NEFL: variants seen among roughly 807,000 people sequenced by gnomAD.
The protein encoded by NEFL is neurofilament light chain.
A neutral mutation model predicts 51.6 loss-of-function variants in NEFL; 36 were observed. That is an observed-to-expected ratio of 0.70 (90% CI 0.53 to 0.92). The LOEUF (loss-of-function observed/expected upper bound fraction) is 0.92. Among genes scored for constraint, NEFL ranks in the 40% least tolerant of loss-of-function variants. NEFL has a pLI of 0.00. For synonymous variants in NEFL, 332 were observed against 302.5 expected, an observed-to-expected ratio of 1.10 and a Z score of -1.01; for missense variants, 671 against 722.0, an observed-to-expected ratio of 0.93 and a Z score of 0.81.
chr8:24,952,877 T>C lies in NEFL; in HGVS notation c.1565A>G (p.Glu522Gly). 6.2e-7 allele frequency: 1 copy of C among 1,610,444 alleles called. No individual in the cohort carries two copies. Among genetic ancestry groups the C allele is most frequent in the Non-Finnish European group, 8.5e-7 (1 of 1,176,734 alleles). Reference sequence around the variant, plus strand: ...AACTTTCTTCTCCTCCTCTTCAGCTTCTTTGGTTTCCTCTCCTTCTTCACC... The same window carrying C: ...AACTTTCTTCTCCTCCTCTTCAGCTCCTTTGGTTTCCTCTCCTTCTTCACC... Reference protein sequence around the residue: ...GEGEEGEETKEAEEEEKKVEG... With the variant: ...GEGEEGEETKGAEEEEKKVEG... Residue 522 changes from glutamate to glycine, a missense_variant, in exon 4 of 4, where the codon GAA (glutamate) becomes GGA (glycine). Coordinates refer to ENST00000610854, the MANE Select transcript of NEFL (RefSeq NM_006158.5).
chr8:24,956,537 G>A lies in NEFL; in HGVS notation c.-22C>T. ...TCATGGTGGCGGCCGGTGGCTCCCCGGCCCGCGGCGGCGGTGGGAGCCCGG... is the reference window on the plus strand; with the variant it reads ...TCATGGTGGCGGCCGGTGGCTCCCCAGCCCGCGGCGGCGGTGGGAGCCCGG... On this transcript the variant is annotated 5_prime_UTR_variant, in exon 1 of 4. Coordinates refer to ENST00000610854, the MANE Select transcript of NEFL (RefSeq NM_006158.5). This position sits in a 1 kb window ranked among gnomAD's most constrained non-coding sequence, Gnocchi z 5.9. 2 of 1,567,614 alleles carry A rather than the reference G, an allele frequency of 1.3e-6. No individual in the cohort carries two copies. Among genetic ancestry groups the A allele is most frequent in the Non-Finnish European group, 1.7e-6 (2 of 1,157,602 alleles).
chr8:24,953,678 G>T lies in NEFL; in HGVS notation c.1287C>A (p.Thr429=). Reference sequence around the variant, plus strand: ...AGCGGGTGGACATCAGATAGGAGCTGGTCTGTAAACCGCCGTAGGCAGATC... The same window carrying T: ...AGCGGGTGGACATCAGATAGGAGCTTGTCTGTAAACCGCCGTAGGCAGATC... ...FGRSAYGGLQ[T]SSYLMSTRSF... The change falls in exon 3 of 4, where the codon ACC becomes ACA. Residue 429 remains threonine (T), a synonymous_variant. Transcript: ENST00000610854. 1 of 1,614,002 alleles carries T rather than the reference G, an allele frequency of 6.2e-7. No homozygotes were observed. Among genetic ancestry groups the T allele is most frequent in the Non-Finnish European group, 8.5e-7 (1 of 1,179,904 alleles).
chr8:24,953,446 T>C, intron 3 of NEFL, 30 bp downstream of exon 3: 1 of 1,547,606 alleles, frequency 6.5e-7, no homozygotes. Flanking sequence ...AGTTTACACT[T>C]GAAGTTGCAG....
In NEFL at chr8:24,956,125, C is replaced by G; in HGVS notation, c.391G>C (p.Glu131Gln). 2 of 1,608,704 alleles carry G rather than the reference C, an allele frequency of 1.2e-6. No individual in the cohort carries two copies. The highest frequency in any genetic ancestry group is 1.1e-5 in the South Asian group (1 of 90,330). Residue 131 changes from glutamate (E) to glutamine (Q), a missense_variant, in exon 1 of 4, where the codon GAG becomes CAG. Coordinates refer to ENST00000610854, the MANE Select transcript of NEFL (RefSeq NM_006158.5). This position sits in a 1 kb window ranked among gnomAD's most constrained non-coding sequence, Gnocchi z 5.9. ...ELLVLRQKHS[E>Q]PSRFRALYEQ... ...TACAGCGCCCGGAAGCGGGATGGCT[C>G]GGAGTGCTTCTGGCGCAGCACCAGC...
Position 24,952,513 on chromosome 8 carries a change from G to A in NEFL, c.*297C>T, listed in dbSNP as rs1382775026. ...TAGTGAATTCATTTACTCATGTGGT[G>A]TTTTTTATTGTAAACATCTGAATGA... On this transcript the variant is annotated 3_prime_UTR_variant, in exon 4 of 4. Coordinates refer to ENST00000610854, the MANE Select transcript of NEFL (RefSeq NM_006158.5). 1.6e-5 allele frequency: 5 copies of A among 318,690 alleles called. No homozygotes were observed. Among genetic ancestry groups the A allele is most frequent in the African/African-American group, 6.3e-5 (3 of 47,254 alleles). The allele number at this position is 318,690 out of a possible 1,614,324, so 19.7% of individuals were successfully genotyped here.
Position 24,955,079 on chromosome 8 carries a change from TGA to T in NEFL, c.1044+391_1044+392del, listed in dbSNP as rs1252963744. The T allele has an allele frequency of 4.9e-6, 1 of 202,100 alleles. No individual in the cohort carries two copies. Among genetic ancestry groups the T allele is most frequent in the African/African-American group, 2.3e-5 (1 of 43,384 alleles). 12.5% of individuals were successfully genotyped at this position (202,100 alleles called of 1,614,324 possible). On this transcript the variant is annotated intron_variant, in intron 1 of 3. Coordinates refer to ENST00000610854, the MANE Select transcript of NEFL (RefSeq NM_006158.5). This position sits in a 1 kb window ranked among gnomAD's most constrained non-coding sequence, Gnocchi z 4.0. Reference sequence around the variant, plus strand: ...GTCACAGTAATCCTTCAGAATTAATTGAGAGTTGTTCACTCTACTATTTATTA... The same window carrying T: ...GTCACAGTAATCCTTCAGAATTAATTGAGTTGTTCACTCTACTATTTATTA...
chr8:24,953,771 G>T lies in NEFL; in HGVS notation c.1194C>A (p.Thr398=). The change falls in exon 3 of 4, where the codon ACC becomes ACA. Residue 398 remains threonine (T), a synonymous_variant. Coordinates refer to ENST00000610854, the MANE Select transcript of NEFL (RefSeq NM_006158.5). ...TTCCCACGCTGGTGAAACTGAGTCGGGTCTCCTCGCCTTCCAAGAGTTTCC... is the reference window on the plus strand; with the variant it reads ...TTCCCACGCTGGTGAAACTGAGTCGTGTCTCCTCGCCTTCCAAGAGTTTCC... The part of the protein sequence containing the change: ...AYRKLLEGEE[T]RLSFTSVGSI... The T allele has an allele frequency of 1.9e-6, 3 of 1,612,552 alleles. No homozygotes were observed. The highest frequency in any genetic ancestry group is 2.5e-6 in the Non-Finnish European group (3 of 1,178,910).
rs1474708490 is a variant in NEFL at position 24,955,930 on chromosome 8, G to A, written c.586C>T (p.Arg196Cys). The change falls in exon 1 of 4, where the codon CGC (arginine) becomes TGC (cysteine). Residue 196 changes from arginine (R) to cysteine (C), a missense_variant. Coordinates refer to ENST00000610854, the MANE Select transcript of NEFL (RefSeq NM_006158.5). This position sits in a 1 kb window ranked among gnomAD's most constrained non-coding sequence, Gnocchi z 4.0. Reference sequence around the variant, plus strand: ...AGCGCCGCCTCGTCGGCGCCTTTGCGCGCTTCCATCAGCCGGCCCTCGGCG... The same window carrying A: ...AGCGCCGCCTCGTCGGCGCCTTTGCACGCTTCCATCAGCCGGCCCTCGGCG... ...EDAEGRLMEARKGADEAALAR... is the reference protein window; with the variant it reads ...EDAEGRLMEACKGADEAALAR... 6.2e-7 allele frequency: 1 copy of A among 1,604,124 alleles called. No homozygotes were observed. The highest frequency in any genetic ancestry group is 8.5e-7 in the Non-Finnish European group (1 of 1,179,594).
Position 24,951,613 on chromosome 8 carries a change from C to G in NEFL, c.*1197G>C, listed in dbSNP as rs1299676303. 6.6e-6 allele frequency: 1 copy of G among 152,562 alleles called. No individual in the cohort carries two copies. Among genetic ancestry groups the G allele is most frequent in the Admixed American group, 6.5e-5 (1 of 15,268 alleles). 9.5% of individuals were successfully genotyped at this position (152,562 alleles called of 1,614,324 possible). ...AACATACAAGCATATTACCTCCCCCCTTAAGTGACTCATAATTTCATTACT... is the reference window on the plus strand; with the variant it reads ...AACATACAAGCATATTACCTCCCCCGTTAAGTGACTCATAATTTCATTACT... On this transcript the variant is annotated 3_prime_UTR_variant, in exon 4 of 4. Transcript: ENST00000610854.
chr8:24,953,931 G>T, intron 2 of NEFL, 136 bp from the exon 3 acceptor site: 1 of 1,293,040 alleles, frequency 7.7e-7, no homozygotes, highest in Admixed American at 2.9e-5. Flanking sequence ...TTTTGATGGA[G>T]ACCAGAAAAA....
rs900713541 is a variant in NEFL at position 24,951,591 on chromosome 8, A to G, written c.*1219T>C. On this transcript the variant is annotated 3_prime_UTR_variant, in exon 4 of 4. Coordinates refer to ENST00000610854, the MANE Select transcript of NEFL (RefSeq NM_006158.5). The stretch of plus-strand genomic sequence containing the variant: ...ACATGCAGAGCAATGTCAATGTAAC[A>G]TACAAGCATATTACCTCCCCCCTTA... 2 of 152,520 alleles carry G rather than the reference A, an allele frequency of 1.3e-5. No homozygotes were observed. Among genetic ancestry groups the G allele is most frequent in the African/African-American group, 4.8e-5 (2 of 41,454 alleles). The allele number at this position is 152,520 out of a possible 1,614,324, so 9.4% of individuals were successfully genotyped here.
At position 24,955,936 on chromosome 8, in the gene NEFL, C is replaced by A; in HGVS notation, c.580G>T (p.Glu194Ter). 1 of 1,603,788 alleles carries A rather than the reference C, an allele frequency of 6.2e-7. No individual in the cohort carries two copies. Among genetic ancestry groups the A allele is most frequent in the South Asian group, 1.1e-5 (1 of 91,020 alleles). ...GCCTCGTCGGCGCCTTTGCGCGCTT[C>A]CATCAGCCGGCCCTCGGCGTCCTCG... ...SREDAEGRLM[E>*]ARKGADEAAL... The change falls in exon 1 of 4, where the codon GAA (glutamate) becomes TAA (stop). Residue 194 changes from glutamate (E) to a stop codon, truncating the protein, a stop_gained. Coordinates refer to ENST00000610854, the MANE Select transcript of NEFL (RefSeq NM_006158.5). LOFTEE classifies it high-confidence loss of function. This position sits in a 1 kb window ranked among gnomAD's most constrained non-coding sequence, Gnocchi z 4.0.
In NEFL at chr8:24,954,291, T is replaced by C. The variant is rs190841835; in HGVS notation, c.1059A>G (p.Lys353=). The change falls in exon 2 of 4, where the codon AAA becomes AAG. Residue 353 remains lysine, a synonymous_variant. Coordinates refer to ENST00000610854, the MANE Select transcript of NEFL (RefSeq NM_006158.5). ...DISAMQDTIN[K]LENELRTTKS... ...TTGTGGTCCTCAATTCATTTTCTAA[T>C]TTGTTGATCGTGTCCTGTTTGAAGA... The C allele has an allele frequency of 2.5e-4, 403 of 1,613,638 alleles. 1 individual carries two copies. The highest frequency in any genetic ancestry group is 1.2e-5 in the Non-Finnish European group (14 of 1,179,796).
In NEFL at chr8:24,956,043, T is replaced by A; in HGVS notation, c.473A>T (p.Gln158Leu). 2 of 1,604,088 alleles carry A rather than the reference T, an allele frequency of 1.2e-6. No individual in the cohort carries two copies. Among genetic ancestry groups the A allele is most frequent in the Non-Finnish European group, 1.7e-6 (2 of 1,178,702 alleles). Reference protein sequence around the residue: ...LAAEDATNEKQALQGEREGLE... With the variant: ...LAAEDATNEKLALQGEREGLE... ...CCCTTCGCGCTCGCCCTGGAGCGCC[T>A]GCTTCTCGTTGGTGGCATCTTCCGC... Residue 158 changes from glutamine to leucine, a missense_variant, in exon 1 of 4, where the codon CAG becomes CTG. Transcript: ENST00000610854. The surrounding 1 kb of genome is among the most constrained non-coding windows in gnomAD (Gnocchi z 5.9).
At position 24,956,144 on chromosome 8, in the gene NEFL, C is replaced by A; in HGVS notation, c.372G>T (p.Val124=). 6.2e-7 allele frequency: 1 copy of A among 1,609,722 alleles called. No individual in the cohort carries two copies. The highest frequency in any genetic ancestry group is 8.5e-7 in the Non-Finnish European group (1 of 1,178,846). ...QNKVLEAELL[V]LRQKHSEPSR... The stretch of plus-strand genomic sequence containing the variant: ...ATGGCTCGGAGTGCTTCTGGCGCAG[C>A]ACCAGCAGCTCGGCTTCCAGGACCT... Residue 124 remains valine (V), a synonymous_variant, in exon 1 of 4, where the codon GTG becomes GTT. Transcript: ENST00000610854. This position sits in a 1 kb window ranked among gnomAD's most constrained non-coding sequence, Gnocchi z 5.9.
At chr8:24,953,822 TAAAAAACACC>T (rs749701870) in intron 2 of NEFL, 27 bp from the exon 3 acceptor site, 1 of 1,578,800 alleles carries the variant, frequency 6.3e-7, no homozygotes, top group East Asian at 2.3e-5. Flanking sequence ...AAGGTGAGGT[TAAAAAACACC>T]TGTGTTTCAC....
rs199756575 is a variant in NEFL, at chr8:24,955,156, CAGT to C, written c.1044+313_1044+315del. On this transcript the variant is annotated intron_variant, in intron 1 of 3. Coordinates refer to ENST00000610854, the MANE Select transcript of NEFL (RefSeq NM_006158.5). This position sits in a 1 kb window ranked among gnomAD's most constrained non-coding sequence, Gnocchi z 4.0. ...AAAGTAACTTGTGGTTAATGCAGGT[CAGT>C]AGAGAGCTGATCTCACTGCAGGCCG... is the stretch of plus-strand genomic sequence containing the variant. 1.9e-5 allele frequency: 8 copies of C among 426,072 alleles called. No individual in the cohort carries two copies. In the East Asian group the frequency reaches 2.4e-4, roughly 13 times the overall value. The allele number at this position is 426,072 out of a possible 1,614,324, so 26.4% of individuals were successfully genotyped here. A position where few individuals can be genotyped will look rare whatever the true frequency, so the allele number is the denominator to read the frequency against.
Position 24,955,435 on chromosome 8 carries a change from A to G in NEFL, c.1044+37T>C. ...GCGCACCAACTCCCCCCCTTGCTCG[A>G]GTCCCCCGCCCCCCTGTGTTTCTGG... On this transcript the variant is annotated intron_variant, in intron 1 of 3. Transcript: ENST00000610854. The surrounding 1 kb of genome is among the most constrained non-coding windows in gnomAD (Gnocchi z 4.0). 54 of 517,796 alleles carry G rather than the reference A, an allele frequency of 1.0e-4. No individual in the cohort carries two copies. Among genetic ancestry groups the G allele is most frequent in the Middle Eastern group, 3.3e-4 (1 of 2,992 alleles). 32.1% of individuals were successfully genotyped at this position (517,796 alleles called of 1,614,324 possible). A position where few individuals can be genotyped will look rare whatever the true frequency, so the allele number is the denominator to read the frequency against.
At position 24,956,576 on chromosome 8, in the gene NEFL, G is replaced by T; in HGVS notation, c.-61C>A. ...GTGGGAGCCCGGAGAGAGAGGACAGGGGAGAGAGGGAAGGGGGAGGATGGA... is the reference window on the plus strand; with the variant it reads ...GTGGGAGCCCGGAGAGAGAGGACAGTGGAGAGAGGGAAGGGGGAGGATGGA... On this transcript the variant is annotated 5_prime_UTR_variant, in exon 1 of 4. Transcript: ENST00000610854. This position sits in a 1 kb window ranked among gnomAD's most constrained non-coding sequence, Gnocchi z 5.9. The T allele has an allele frequency of 1.4e-6, 2 of 1,465,664 alleles. No homozygotes were observed. Among genetic ancestry groups the T allele is most frequent in the Non-Finnish European group, 1.9e-6 (2 of 1,070,056 alleles). 90.8% of individuals were successfully genotyped at this position (1,465,664 alleles called of 1,614,324 possible).
Sources: allele counts gnomAD v4.1 joint callset, GRCh38; gene constraint gnomAD v4.1.1; non-coding constraint Gnocchi (gnomAD v3.1); transcripts MANE v1.5; gene names NCBI Gene and HGNC (gene_info 2026-07-23, HGNC 2026-07-21).